ZFHX3: variants seen among roughly 807,000 people sequenced by gnomAD.
ZFHX3 encodes zinc finger homeobox 3, also known as zinc finger homeobox protein 3.
ZFHX3 carries 42 observed loss-of-function variants against 279.1 expected under a neutral mutation model. The observed-to-expected ratio is 0.15, with a 90% CI of 0.12 to 0.19. The LOEUF (loss-of-function observed/expected upper bound fraction) is 0.19, where lower values mean the gene tolerates loss of function less well. Ranked by LOEUF, ZFHX3 falls within the 10% of genes least tolerant of loss-of-function variation. The pLI, the probability that ZFHX3 is intolerant of heterozygous loss-of-function variation, is 1.00. For missense variants in ZFHX3, 4,981 were observed against 4,754.0 expected (o/e 1.05, Z -1.40); for synonymous variants, 2,293 against 1,957.8 (o/e 1.17, Z -4.52).
At chr16:73,626,964 G>A (rs1368194746) in intron 2 of ZFHX3, among the ~76,000 whole-genome samples, 1 of 152,084 alleles carries the variant, frequency 6.6e-6, no homozygotes, top group Non-Finnish European at 1.5e-5. Context: ...TACTTCTACT[G>A]TAGCCATAAA....
chr16:73,493,151 G>T (rs141965127), intron 2 of ZFHX3, among the ~76,000 whole-genome samples: 5 of 151,696 alleles, frequency 3.3e-5, no homozygotes, highest in Non-Finnish European at 7.4e-5. Flanking sequence ...CTTTCAGTCT[G>T]TCTTGTGTCA....
At chr16:73,304,483 T>A (rs955609994) in intron 4 of ZFHX3, among the ~76,000 whole-genome samples, 6 of 152,152 alleles carry the variant, frequency 3.9e-5, no homozygotes, top group Admixed American at 6.6e-5. Context: ...TCCAGGCTGG[T>A]GGATTCAGCT....
chr16:73,723,532 G>A (rs2053493757), intron 1 of ZFHX3, among the ~76,000 whole-genome samples: 1 of 152,094 alleles, frequency 6.6e-6, no homozygotes, highest in South Asian at 2.1e-4. Flanking sequence ...GCACAGGCAG[G>A]AGGATCCCAA....
Position 72,787,450 on chromosome 16 carries a change from GAAGCGGA to G in ZFHX3, c.10819_10825del (p.Ser3607ProfsTer85). The G allele has an allele frequency of 6.5e-7, 1 of 1,547,164 alleles. No homozygotes were observed. The highest frequency in any genetic ancestry group is 8.8e-7 in the Non-Finnish European group (1 of 1,141,330). On this transcript the variant is annotated frameshift_variant, in exon 10 of 10. Coordinates refer to ENST00000268489, the MANE Select transcript of ZFHX3 (RefSeq NM_006885.4). LOFTEE classifies it high-confidence loss of function. Reference sequence around the variant, plus strand: ...CCAAGACTTCCTGGAGGCGTGGGGGGAAGCGGAGGAGGGGGCGGCGGCCGACGGGGGA... The same window carrying G: ...CCAAGACTTCCTGGAGGCGTGGGGGGGGAGGGGGCGGCGGCCGACGGGGGA...
chr16:73,146,490 C>T (rs932951668), intron 5 of ZFHX3, among the ~76,000 whole-genome samples: 9 of 151,660 alleles, frequency 5.9e-5, no homozygotes, highest in South Asian at 4.2e-4. Context: ...CTAATACAAA[C>T]CCCCAATGCA....
At chr16:73,630,699 C>T (rs1177094238) in intron 2 of ZFHX3, among the ~76,000 whole-genome samples, 2 of 152,186 alleles carry the variant, frequency 1.3e-5, no homozygotes, top group Admixed American at 6.5e-5. Context: ...GTTCAGCTGG[C>T]GTTTCACTGT....
chr16:72,919,775 A>ATTTTTTTTTT (rs1567583993), intron 3 of ZFHX3, among the ~76,000 whole-genome samples: 1 of 49,574 alleles, frequency 2.0e-5, no homozygotes, highest in African/African-American at 9.3e-5. Flanking sequence ...TATATGCACC[A>ATTTTTTTTTT]TCTTTTTTTT....
intron 3 of ZFHX3, among the ~76,000 whole-genome samples, chr16:73,410,959 G>C (rs1296838623): frequency 6.6e-6 from 1 of 152,208 alleles, no homozygotes; most frequent in Non-Finnish European, 1.5e-5. Flanking sequence ...CAAAATGCCA[G>C]GCTATAAATA....
Position 72,793,279 on chromosome 16 carries a change from G to C in ZFHX3, c.9403C>G (p.Pro3135Ala). Reference protein sequence around the residue: ...LLPGLNSPSLPGFTPSNTALT... With the variant: ...LLPGLNSPSLAGFTPSNTALT... ...CCTGTGTTGGATGGAGTAAAGCCTG[G>C]CAAGGAGGGGCTGTTGAGGCCCGGG... The change falls in exon 9 of 10, where the codon CCA (proline) becomes GCA (alanine). Residue 3135 changes from proline (P) to alanine (A), a missense_variant. Physicochemically the swap from Pro to Ala is conservative, Grantham distance 27. Around this residue, in one of 7 missense-constraint regions of ZFHX3, gnomAD observed 1,034 missense variants for 786.0 expected, o/e 1.32. Transcript: ENST00000268489. The surrounding 1 kb of genome is among the most constrained non-coding windows in gnomAD (Gnocchi z 4.3). 6.2e-7 allele frequency: 1 copy of C among 1,613,760 alleles called. No homozygotes were observed.
At chr16:73,767,578 T>C (rs929442410) in intron 1 of ZFHX3, among the ~76,000 whole-genome samples, 1 of 152,218 alleles carries the variant, frequency 6.6e-6, no homozygotes, top group African/African-American at 2.4e-5. Context: ...ATATAATAGA[T>C]GGTGATGTAG....
At chr16:73,231,330 G>A (rs1020496373) in intron 5 of ZFHX3, among the ~76,000 whole-genome samples, 6 of 152,186 alleles carry the variant, frequency 3.9e-5, no homozygotes, top group Admixed American at 1.3e-4. Context: ...AGAGAACCGA[G>A]GGGACAATGC....
At chr16:72,998,024 G>A (rs1454586686) in intron 1 of ZFHX3, among the ~76,000 whole-genome samples, 1 of 152,116 alleles carries the variant, frequency 6.6e-6, no homozygotes, top group African/African-American at 2.4e-5. Context: ...GGAGGCTGCA[G>A]TGAGCCATGA....
chr16:73,757,108 G>A (rs2053818056), intron 1 of ZFHX3, among the ~76,000 whole-genome samples: 2 of 152,152 alleles, frequency 1.3e-5, no homozygotes, highest in African/African-American at 2.4e-5. Flanking sequence ...GTGGGAATCT[G>A]AAACGGTGAG....
At chr16:72,915,359 G>C (rs1160655070) in intron 3 of ZFHX3, among the ~76,000 whole-genome samples, 1 of 152,178 alleles carries the variant, frequency 6.6e-6, no homozygotes, top group East Asian at 1.9e-4. Flanking sequence ...TAGACTCGCA[G>C]AACACATCAA....
At chr16:73,482,938 T>A (rs1377637838) in intron 2 of ZFHX3, among the ~76,000 whole-genome samples, 3 of 152,116 alleles carry the variant, frequency 2.0e-5, no homozygotes, top group Non-Finnish European at 4.4e-5. Flanking sequence ...AGGGAAAAAA[T>A]TATATTCAAA....
intron 3 of ZFHX3, among the ~76,000 whole-genome samples, chr16:73,337,184 C>A (rs1389107301): frequency 3.3e-5 from 5 of 152,208 alleles, no homozygotes; most frequent in African/African-American, 9.6e-5. Flanking sequence ...GCTTATCCTT[C>A]ATGGCTGTGT....
intron 2 of ZFHX3, among the ~76,000 whole-genome samples, chr16:73,651,854 C>A (rs1313475051): frequency 2.6e-4 from 29 of 110,356 alleles, no homozygotes; most frequent in South Asian, 1.2e-3. Context: ...GACTCTGTCT[C>A]AAAAAAAAAA....
intron 2 of ZFHX3, among the ~76,000 whole-genome samples, chr16:73,459,874 A>G (rs1416868811): frequency 1.3e-5 from 2 of 152,114 alleles, no homozygotes; most frequent in African/African-American, 4.8e-5. Flanking sequence ...AGCATGGGGG[A>G]AACCACCCCC....
At chr16:73,781,038 G>T (rs1284687523) in intron 1 of ZFHX3, among the ~76,000 whole-genome samples, 3 of 152,194 alleles carry the variant, frequency 2.0e-5, no homozygotes, top group African/African-American at 7.2e-5. Context: ...AGCTTTAGCA[G>T]TGATTATGAT....
Sources: gnomAD v4.1 joint callset for allele counts (sites outside exome capture counted in the v4.1 genomes callset) on GRCh38, gnomAD v4.1.1 for gene constraint, gnomAD v4.1.1 regional missense constraint, Gnocchi (gnomAD v3.1) non-coding constraint, MANE v1.5 for transcripts, NCBI Gene and HGNC (gene_info 2026-07-23, HGNC 2026-07-21) for gene names.